INPP5A: variants seen among roughly 807,000 people sequenced by gnomAD.
The protein encoded by INPP5A is 43 kDa inositol polyphosphate 5-phophatase.
In INPP5A, 14 loss-of-function variants were observed where a neutral mutation model predicts 65.2. That is an observed-to-expected ratio of 0.21 (90% CI 0.14 to 0.34). The LOEUF is 0.34. Ranked by LOEUF, INPP5A falls within the 10% of genes least tolerant of loss-of-function variation. The pLI is 1.00. For missense variants in INPP5A, 431 were observed against 545.6 expected (o/e 0.79, Z 2.09); for synonymous variants, 207 against 208.3 (o/e 0.99, Z 0.05).
intron 1 of INPP5A, among the ~76,000 whole-genome samples, chr10:132,576,573 C>T (rs543015375): frequency 6.6e-6 from 1 of 152,340 alleles, no homozygotes; most frequent in African/African-American, 2.4e-5. Context: ...TCTCTGGGGC[C>T]TAAACTGCAC....
Position 132,538,625 on chromosome 10 carries a change from C to G in INPP5A, c.75+454C>G, listed in dbSNP as rs2070871727. On this transcript the variant is annotated intron_variant, in intron 1 of 15. Coordinates refer to ENST00000368594, the MANE Select transcript of INPP5A (RefSeq NM_005539.5). The surrounding 1 kb of genome is among the most constrained non-coding windows in gnomAD (Gnocchi z 4.1). Reference sequence around the variant, plus strand: ...CTCAGAACCCTGGCCCTGGAATGCCCATCCCCAACCCTGGCCCTGAACCCC... The same window carrying G: ...CTCAGAACCCTGGCCCTGGAATGCCGATCCCCAACCCTGGCCCTGAACCCC... Among the ~76,000 whole-genome samples, 1 of 152,128 alleles carries G rather than the reference C, an allele frequency of 6.6e-6. No homozygotes were observed. Among genetic ancestry groups the G allele is most frequent in the South Asian group, 2.1e-4 (1 of 4,836 alleles).
At chr10:132,658,916 G>C (rs1413375989) in intron 4 of INPP5A, among the ~76,000 whole-genome samples, 1 of 152,138 alleles carries the variant, frequency 6.6e-6, no homozygotes, top group Non-Finnish European at 1.5e-5. Context: ...GCCTGGGGCA[G>C]TTTGAAAAGA....
intron 2 of INPP5A, among the ~76,000 whole-genome samples, chr10:132,608,174 C>T (rs760228090): frequency 4.6e-5 from 7 of 152,334 alleles, no homozygotes; most frequent in African/African-American, 9.6e-5. Context: ...AGATCCTCCT[C>T]GGGCTCACTG....
chr10:132,764,834 ACACT>A (rs1453544506), intron 11 of INPP5A, among the ~76,000 whole-genome samples: 3 of 128,840 alleles, frequency 2.3e-5, no homozygotes, highest in African/African-American at 9.2e-5. Context: ...GTGTGTGGTG[ACACT>A]CAGAAACACG....
rs1451701605 is a variant in INPP5A at position 132,538,699 on chromosome 10, A to T, written c.75+528A>T. Among the ~76,000 whole-genome samples, 1 of 152,026 alleles carries T rather than the reference A, an allele frequency of 6.6e-6. No individual in the cohort carries two copies. The highest frequency in any genetic ancestry group is 1.5e-5 in the Non-Finnish European group (1 of 68,014). ...AAATCCTGACTGCAGAACTCTGGTT[A>T]CAGAACCTGCTCTCAAACGTCTGTC... On this transcript the variant is annotated intron_variant, in intron 1 of 15. Transcript: ENST00000368594. This position sits in a 1 kb window ranked among gnomAD's most constrained non-coding sequence, Gnocchi z 4.1.
chr10:132,736,757 G>T (rs1461985386), intron 9 of INPP5A, among the ~76,000 whole-genome samples: 2 of 152,234 alleles, frequency 1.3e-5, no homozygotes, highest in South Asian at 4.1e-4. Flanking sequence ...TGTGCACTGC[G>T]TCCTGGGAGG....
chr10:132,638,729 G>C (rs1321003182), intron 2 of INPP5A, among the ~76,000 whole-genome samples: 1 of 152,008 alleles, frequency 6.6e-6, no homozygotes, highest in East Asian at 1.9e-4. Context: ...AACCATGCCT[G>C]GCTAATTTTT....
intron 2 of INPP5A, among the ~76,000 whole-genome samples, chr10:132,640,404 G>A (rs779228694): frequency 3.3e-5 from 5 of 152,342 alleles, no homozygotes; most frequent in Admixed American, 1.3e-4. Flanking sequence ...CACACCGTCC[G>A]GCTAGCCTGG....
intron 12 of INPP5A, among the ~76,000 whole-genome samples, chr10:132,775,084 G>T (rs1271525080): frequency 4.5e-5 from 1 of 22,442 alleles, no homozygotes; most frequent in Non-Finnish European, 9.4e-5. Flanking sequence ...GCAGGGGGGA[G>T]GGGCAGGGAG....
intron 6 of INPP5A, among the ~76,000 whole-genome samples, chr10:132,703,442 A>G (rs1333939874): frequency 2.0e-5 from 2 of 98,988 alleles, no homozygotes; most frequent in Non-Finnish European, 4.0e-5. Context: ...ACACAGCTTC[A>G]CCCCCACACA....
At chr10:132,645,823 G>GTGGAC in intron 2 of INPP5A, 45 bp from the exon 3 acceptor site, 1 of 1,479,858 alleles carries the variant, frequency 6.8e-7, no homozygotes, top group Non-Finnish European at 9.3e-7. Flanking sequence ...GTGTGGCTCT[G>GTGGAC]TGGACGGCTC....
In INPP5A at chr10:132,559,866, A is replaced by G. The variant is rs916151785; in HGVS notation, c.75+21695A>G. On this transcript the variant is annotated intron_variant, in intron 1 of 15. Transcript: ENST00000368594. ...ACTGAATGCTGTTTATTGTGCGGAG[A>G]TCACATTTCATGTATCTGTTCATCA... is the stretch of plus-strand genomic sequence containing the variant. Among the ~76,000 whole-genome samples, 27 of 152,212 alleles carry G rather than the reference A, an allele frequency of 1.8e-4. 1 individual carries two copies. Among genetic ancestry groups the G allele is most frequent in the Admixed American group, 6.5e-5 (1 of 15,276 alleles).
chr10:132,747,110 G>A (rs1846384136), intron 9 of INPP5A, among the ~76,000 whole-genome samples: 1 of 152,228 alleles, frequency 6.6e-6, no homozygotes, highest in African/African-American at 2.4e-5. Context: ...CCTGAGCCGC[G>A]TCCTGGGATG....
chr10:132,635,832 G>A lies in INPP5A; in HGVS notation c.118-10036G>A, dbSNP rs535637282. On this transcript the variant is annotated intron_variant, in intron 2 of 15. Coordinates refer to ENST00000368594, the MANE Select transcript of INPP5A (RefSeq NM_005539.5). ...TTTAAAAAAAAAAAAAATTAGCTGG[G>A]TTTGGTGGTGCACACCTGTTGTCCC... Among the ~76,000 whole-genome samples, 425 of 152,028 alleles carry A rather than the reference G, an allele frequency of 2.8e-3. 1 individual carries two copies. Among genetic ancestry groups the A allele is most frequent in the African/African-American group, 1.0e-2 (414 of 41,452 alleles).
At chr10:132,624,360 TG>T (rs1264357714) in intron 2 of INPP5A, among the ~76,000 whole-genome samples, 1 of 152,244 alleles carries the variant, frequency 6.6e-6, no homozygotes, top group Non-Finnish European at 1.5e-5. Context: ...CTCGCTGTTT[TG>T]GCTGTGGTGC....
At chr10:132,758,254 G>A (rs113014290) in intron 11 of INPP5A, among the ~76,000 whole-genome samples, 114 of 54,874 alleles carry the variant, frequency 2.1e-3, no homozygotes, top group Admixed American at 3.6e-3. Flanking sequence ...CCCACAGCCC[G>A]GCACCATGGC....
intron 12 of INPP5A, among the ~76,000 whole-genome samples, chr10:132,770,648 C>T (rs1176544809): frequency 6.6e-6 from 1 of 152,274 alleles, no homozygotes; most frequent in African/African-American, 2.4e-5. Flanking sequence ...TGGGTTCCAT[C>T]TGTTGGTCAT....
intron 2 of INPP5A, among the ~76,000 whole-genome samples, chr10:132,624,552 C>T (rs981293754): frequency 1.3e-5 from 2 of 152,248 alleles, no homozygotes; most frequent in African/African-American, 4.8e-5. Context: ...GGCGTGTCTG[C>T]ACTTGGGGAA....
At chr10:132,745,097 G>A (rs912513871) in intron 9 of INPP5A, among the ~76,000 whole-genome samples, 6 of 152,194 alleles carry the variant, frequency 3.9e-5, no homozygotes, top group Non-Finnish European at 8.8e-5. Flanking sequence ...GAGCTTGGGC[G>A]GTTCTGGGAG....
Sources: gnomAD v4.1 joint callset for allele counts (sites outside exome capture counted in the v4.1 genomes callset) on GRCh38, gnomAD v4.1.1 for gene constraint, Gnocchi (gnomAD v3.1) non-coding constraint, MANE v1.5 for transcripts, NCBI Gene and HGNC (gene_info 2026-07-23, HGNC 2026-07-21) for gene names.